The following LIMCH1 variants were observed in gnomAD, a reference collection of about 807,000 sequenced individuals.
LIMCH1 encodes the protein LIM and calponin homology domains 1.
In LIMCH1, 113 loss-of-function variants were observed where a neutral mutation model predicts 176.5. The ratio of observed to expected loss-of-function variants is 0.64; its 90% CI spans 0.55 to 0.75. LIMCH1 has a LOEUF of 0.75. Ranked by LOEUF, LIMCH1 falls within the 30% of genes least tolerant of loss-of-function variation. The pLI, the probability that LIMCH1 is intolerant of heterozygous loss-of-function variation, is 0.00. For synonymous variants in LIMCH1, 619 were observed against 645.9 expected (o/e 0.96, Z 0.63); for missense variants, 1,674 against 1,814.9 (o/e 0.92, Z 1.41).
chr4:41,636,227 T>G (rs2093581629), intron 13 of LIMCH1, among the ~76,000 whole-genome samples: 1 of 151,588 alleles, frequency 6.6e-6, no homozygotes, highest in Non-Finnish European at 1.5e-5. Flanking sequence ...TAAACTTTAT[T>G]GACTTTTTTT....
rs1204948353 is a variant in LIMCH1 at position 41,414,399 on chromosome 4, T to C, written c.96+53463T>C. On this transcript the variant is annotated intron_variant, in intron 1 of 26. Coordinates refer to the LIMCH1 transcript ENST00000313860. ...TACCCCCTTAAAAACTGTTTTCCTC[T>C]CAACTTCTCACATTCCATGAAATAT... Among the ~76,000 whole-genome samples, 3 of 152,184 alleles carry C rather than the reference T, an allele frequency of 2.0e-5. No homozygotes were observed. In the South Asian group the frequency reaches 6.2e-4, roughly 31 times the overall value.
At chr4:41,460,915 C>T (rs1270748057) in intron 1 of LIMCH1, among the ~76,000 whole-genome samples, 2 of 152,168 alleles carry the variant, frequency 1.3e-5, no homozygotes, top group Admixed American at 6.5e-5. Context: ...CACATTGGCC[C>T]ATTGGAAATT....
chr4:41,678,300 T>C (rs1712698476), intron 23 of LIMCH1, among the ~76,000 whole-genome samples: 1 of 152,108 alleles, frequency 6.6e-6, no homozygotes. Flanking sequence ...GTGATTTAGA[T>C]AGCAGTAGTA....
chr4:41,699,209 C>G lies in LIMCH1; in HGVS notation c.*2024C>G, dbSNP rs377462368. ...TAGAATACTTTTTACATGTGCAACTCCATCCGTTATGTAAGGATTACATGA... is the reference window on the plus strand; with the variant it reads ...TAGAATACTTTTTACATGTGCAACTGCATCCGTTATGTAAGGATTACATGA... On this transcript the variant is annotated 3_prime_UTR_variant, in exon 32 of 32. Transcript: ENST00000503057. The G allele has an allele frequency of 5.9e-5, 9 of 152,224 alleles. No homozygotes were observed. Among genetic ancestry groups the G allele is most frequent in the Middle Eastern group, 3.4e-3 (1 of 294 alleles). The allele number at this position is 152,224 out of a possible 1,614,324, so 9.4% of individuals were successfully genotyped here.
intron 2 of LIMCH1, among the ~76,000 whole-genome samples, chr4:41,518,318 T>G (rs1445331123): frequency 1.3e-5 from 2 of 152,206 alleles, no homozygotes; most frequent in Admixed American, 6.5e-5. Context: ...AACTACTATA[T>G]GGGCTGTTGG....
At chr4:41,361,684 C>G (rs932251296) in intron 1 of LIMCH1, among the ~76,000 whole-genome samples, 1 of 152,216 alleles carries the variant, frequency 6.6e-6, no homozygotes, top group Non-Finnish European at 1.5e-5. Context: ...ATCACTGGAG[C>G]TCTCGGCTCT....
chr4:41,363,266 G>A (rs184787181), intron 1 of LIMCH1, among the ~76,000 whole-genome samples: 1 of 152,178 alleles, frequency 6.6e-6, no homozygotes. Context: ...GTACTTAGGG[G>A]CAGTGAATCC....
intron 4 of LIMCH1, among the ~76,000 whole-genome samples, chr4:41,610,798 T>C (rs1412445279): frequency 6.6e-6 from 1 of 152,166 alleles, no homozygotes; most frequent in East Asian, 1.9e-4. Flanking sequence ...ACCATTACCC[T>C]AAACTCCTTC....
chr4:41,586,205 C>T (rs2086447410), intron 1 of LIMCH1, among the ~76,000 whole-genome samples: 1 of 151,360 alleles, frequency 6.6e-6, no homozygotes. Context: ...ACCTCCTGGG[C>T]TCCATCAATC....
intron 18 of LIMCH1, among the ~76,000 whole-genome samples, chr4:41,651,912 C>T (rs567853741): frequency 9.2e-5 from 14 of 152,326 alleles, no homozygotes; most frequent in African/African-American, 3.1e-4. Flanking sequence ...CAGAAAGACT[C>T]ATGCTGGTTT....
intron 7 of LIMCH1, among the ~76,000 whole-genome samples, chr4:41,625,952 AG>A: frequency 6.6e-6 from 1 of 152,234 alleles, no homozygotes; most frequent in East Asian, 1.9e-4. Context: ...CTCCCAAATT[AG>A]GGTATGAGAG....
chr4:41,598,011 T>C (rs1043966899), intron 1 of LIMCH1, among the ~76,000 whole-genome samples: 1 of 152,232 alleles, frequency 6.6e-6, no homozygotes, highest in Admixed American at 6.5e-5. Context: ...AGCATTCAGA[T>C]GGATTCACAT....
At chr4:41,466,856 C>CA (rs1466421884) in intron 1 of LIMCH1, among the ~76,000 whole-genome samples, 7 of 152,196 alleles carry the variant, frequency 4.6e-5, no homozygotes, top group Admixed American at 1.3e-4. Context: ...CAGCCATCAC[C>CA]ACCATCCATC....
intron 1 of LIMCH1, among the ~76,000 whole-genome samples, chr4:41,471,588 T>C (rs2066969070): frequency 6.6e-6 from 1 of 152,218 alleles, no homozygotes; most frequent in African/African-American, 2.4e-5. Flanking sequence ...CTTGGTCATA[T>C]AGCTAAGAAG....
chr4:41,533,551 A>G (rs949917822), upstream of LIMCH1, among the ~76,000 whole-genome samples: 24 of 152,202 alleles, frequency 1.6e-4, no homozygotes, highest in African/African-American at 5.5e-4. Flanking sequence ...TTTCTTCTGC[A>G]CATATATACC....
chr4:41,640,450 C>T (rs1230970659), intron 14 of LIMCH1, among the ~76,000 whole-genome samples: 2 of 152,122 alleles, frequency 1.3e-5, no homozygotes, highest in African/African-American at 4.8e-5. Flanking sequence ...AAAACTTCAC[C>T]CACAGGAAAA....
intron 1 of LIMCH1, among the ~76,000 whole-genome samples, chr4:41,463,850 A>T (rs1258187861): frequency 6.6e-6 from 1 of 151,954 alleles, no homozygotes; most frequent in Non-Finnish European, 1.5e-5. Flanking sequence ...AAGTGCTAGG[A>T]TTACAAGCAT....
intron 1 of LIMCH1, among the ~76,000 whole-genome samples, chr4:41,429,812 T>C (rs914193668): frequency 2.6e-5 from 4 of 152,224 alleles, no homozygotes; most frequent in African/African-American, 4.8e-5. Context: ...CTGGCCTTCA[T>C]GTAGGCCTTC....
At chr4:41,455,503 T>G (rs1407075653) in intron 1 of LIMCH1, among the ~76,000 whole-genome samples, 1 of 152,218 alleles carries the variant, frequency 6.6e-6, no homozygotes, top group African/African-American at 2.4e-5. Flanking sequence ...GCTCTTTCAT[T>G]GTTTCTTTCT....
Sources: allele counts gnomAD v4.1 joint callset (sites outside exome capture counted in the v4.1 genomes callset), GRCh38; gene constraint gnomAD v4.1.1; transcripts MANE v1.5; gene names NCBI Gene and HGNC (gene_info 2026-07-23, HGNC 2026-07-21).